Variants in CLOCK observed in about 807,000 individuals in gnomAD.
CLOCK encodes circadian locomoter output cycles protein kaput.
CLOCK carries 43 observed loss-of-function variants against 118.4 expected under a neutral mutation model. The ratio of observed to expected loss-of-function variants is 0.36; its 90% confidence interval spans 0.28 to 0.47. The LOEUF (loss-of-function observed/expected upper bound fraction) is 0.47. Among genes scored for constraint, CLOCK ranks in the 20% least tolerant of loss-of-function variants. CLOCK has a pLI of 1.00. For synonymous variants in CLOCK, 326 were observed against 339.2 expected, an observed-to-expected ratio of 0.96 and a Z score of 0.43; for missense variants, 846 against 999.9, an observed-to-expected ratio of 0.85 and a Z score of 2.08.
intron 8 of CLOCK, among the ~76,000 whole-genome samples, chr4:55,469,202 C>T (rs1484003828): frequency 1.3e-5 from 2 of 151,516 alleles, no homozygotes; most frequent in African/African-American, 2.4e-5. Flanking sequence ...CTCGGCTCAC[C>T]GCAACCTCTG....
intron 7 of CLOCK, 128 bp from the exon 8 acceptor site, chr4:55,470,934 C>A: frequency 1.5e-6 from 1 of 673,186 alleles, no homozygotes; most frequent in Non-Finnish European, 2.6e-6. Context: ...AAATATAATA[C>A]TAGCTTTCCC....
chr4:55,514,338 G>A (rs191027398), intron 1 of CLOCK, among the ~76,000 whole-genome samples: 38 of 152,164 alleles, frequency 2.5e-4, no homozygotes, highest in African/African-American at 8.7e-4. Context: ...CATTTAGGCT[G>A]TTATGTCCCC....
At chr4:55,458,210 A>G (rs892932042) in intron 11 of CLOCK, among the ~76,000 whole-genome samples, 12 of 152,142 alleles carry the variant, frequency 7.9e-5, no homozygotes, top group Non-Finnish European at 1.5e-4. Flanking sequence ...ACAGGTGTGT[A>G]ACACCATGCC....
chr4:55,475,634 A>G (rs1026555505), intron 7 of CLOCK, among the ~76,000 whole-genome samples: 2 of 152,198 alleles, frequency 1.3e-5, no homozygotes, highest in Admixed American at 6.5e-5. Context: ...CACCCTAATC[A>G]GTTAGTAGCC....
Position 55,435,256 on chromosome 4 carries a change from A to G in CLOCK, c.*159T>C. The G allele has an allele frequency of 1.3e-6, 1 of 792,242 alleles. No individual in the cohort carries two copies. The highest frequency in any genetic ancestry group is 2.1e-6 in the Non-Finnish European group (1 of 476,476). The allele number at this position is 792,242 out of a possible 1,614,324, so 49.1% of individuals were successfully genotyped here. A position where few individuals can be genotyped will look rare whatever the true frequency, so the allele number is the denominator to read the frequency against. ...GTATTTAATGTACATCTGTAGCACT[A>G]GGCAGCATTTTCTCTGCCAACTAAT... On this transcript the variant is annotated 3_prime_UTR_variant, in exon 23 of 23. Coordinates refer to ENST00000513440, the MANE Select transcript of CLOCK (RefSeq NM_004898.4).
In CLOCK at chr4:55,434,294, T is replaced by G. The variant is rs1373000911; in HGVS notation, c.*1121A>C. 1 of 152,618 alleles carries G rather than the reference T, an allele frequency of 6.6e-6. No homozygotes were observed. Among genetic ancestry groups the G allele is most frequent in the African/African-American group, 2.4e-5 (1 of 41,442 alleles). 9.5% of individuals were successfully genotyped at this position (152,618 alleles called of 1,614,324 possible). On this transcript the variant is annotated 3_prime_UTR_variant, in exon 23 of 23. Transcript: ENST00000513440. Reference sequence around the variant, plus strand: ...AATTGTGAAGGATAATAAAAAAGATTTCAACAAATCCCAAAAGTTAAAATT... The same window carrying G: ...AATTGTGAAGGATAATAAAAAAGATGTCAACAAATCCCAAAAGTTAAAATT...
At position 55,462,844 on chromosome 4, in the gene CLOCK, T is replaced by TTGTGTC. The variant is rs1553893962; in HGVS notation, c.559+840_559+841insGACACA. Among the ~76,000 whole-genome samples the TTGTGTC allele has an allele frequency of 3.2e-3, 479 of 151,444 alleles. 1 individual carries two copies. The highest frequency in any genetic ancestry group is 6.6e-3 in the Admixed American group (101 of 15,202). On this transcript the variant is annotated intron_variant, in intron 9 of 22. Transcript: ENST00000513440. ...ACCAAAGTTATAGATACACACAGAT[T>TTGTGTC]TGTGTGAGTGTGTGTGTGTGTGTAT...
At chr4:55,463,468 ACAAATAAGATGGGATTTCAAT>A (rs1725515674) in intron 9 of CLOCK, among the ~76,000 whole-genome samples, 196 bp downstream of exon 9, 3 of 152,162 alleles carry the variant, frequency 2.0e-5, no homozygotes, top group Admixed American at 6.5e-5. Flanking sequence ...ATTTATTATA[ACAAATAAGATGGGATTTCAAT>A]ATACACTGAA....
intron 8 of CLOCK, among the ~76,000 whole-genome samples, chr4:55,465,038 C>G (rs1199309159): frequency 6.6e-6 from 1 of 152,148 alleles, no homozygotes; most frequent in Non-Finnish European, 1.5e-5. Flanking sequence ...CCATAATCCA[C>G]ATTAAAAATA....
chr4:55,520,014 G>C (rs1467024912), intron 1 of CLOCK, among the ~76,000 whole-genome samples: 3 of 152,066 alleles, frequency 2.0e-5, no homozygotes, highest in African/African-American at 7.2e-5. Context: ...CACAACACCT[G>C]CAAAGGTTGC....
chr4:55,508,806 A>G (rs1247437042), intron 2 of CLOCK, among the ~76,000 whole-genome samples: 1 of 152,054 alleles, frequency 6.6e-6, no homozygotes, highest in Non-Finnish European at 1.5e-5. Flanking sequence ...GTTAGCCAGG[A>G]TGGTCTCGAT....
chr4:55,450,812 T>C (rs11133381), intron 15 of CLOCK, among the ~76,000 whole-genome samples: 51,034 of 151,116 alleles, frequency 0.34, 9,309 homozygotes, highest in East Asian at 0.59. Context: ...CAGACCTAAA[T>C]TTTAACAGCT....
At chr4:55,460,712 C>T (rs1014985870) in intron 9 of CLOCK, among the ~76,000 whole-genome samples, 3 of 152,186 alleles carry the variant, frequency 2.0e-5, no homozygotes, top group African/African-American at 7.2e-5. Context: ...ATTATTTCCG[C>T]ACTCAAGGAC....
chr4:55,462,436 A>G (rs1243983322), intron 9 of CLOCK, among the ~76,000 whole-genome samples: 2 of 152,044 alleles, frequency 1.3e-5, no homozygotes, highest in Non-Finnish European at 1.5e-5. Context: ...ACAGGCATGC[A>G]CCACCATGCT....
intron 1 of CLOCK, among the ~76,000 whole-genome samples, chr4:55,533,449 A>G (rs1461540861): frequency 1.3e-5 from 2 of 152,204 alleles, no homozygotes; most frequent in African/African-American, 2.4e-5. Context: ...TGATATTACT[A>G]ATTTATTTTA....
chr4:55,491,877 C>G (rs1226047100), intron 2 of CLOCK, among the ~76,000 whole-genome samples: 15 of 152,054 alleles, frequency 9.9e-5, no homozygotes, highest in Non-Finnish European at 1.8e-4. Flanking sequence ...AAAATCTGAG[C>G]AGACACATAT....
intron 8 of CLOCK, among the ~76,000 whole-genome samples, chr4:55,467,796 C>T (rs1195208983): frequency 4.7e-5 from 7 of 149,366 alleles, no homozygotes; most frequent in African/African-American, 1.7e-4. Flanking sequence ...TTGCTAATAT[C>T]TCATGTTTTA....
At chr4:55,538,255 CG>C (rs148658492) in intron 1 of CLOCK, among the ~76,000 whole-genome samples, 2,489 of 152,108 alleles carry the variant, frequency 0.016, 66 homozygotes, top group African/African-American at 0.058. Flanking sequence ...TGTGAAGAGA[CG>C]GAACAATACA....
chr4:55,517,303 G>A (rs1729576397), intron 1 of CLOCK, among the ~76,000 whole-genome samples: 1 of 152,144 alleles, frequency 6.6e-6, no homozygotes, highest in Admixed American at 6.5e-5. Context: ...GAGGTCAGGA[G>A]ATCGAGACCA....
Sources: allele counts gnomAD v4.1 joint callset (sites outside exome capture counted in the v4.1 genomes callset), GRCh38; gene constraint gnomAD v4.1.1; transcripts MANE v1.5; gene names NCBI Gene and HGNC (gene_info 2026-07-23, HGNC 2026-07-21).